The following PIAS3 variants were observed in gnomAD, a reference collection of about 807,000 sequenced individuals.
PIAS3 encodes the protein protein inhibitor of activated STAT 3, also known as E3 SUMO-protein ligase PIAS3.
Under a neutral mutation model 67.6 loss-of-function variants are expected in PIAS3, and 34 were observed. That is an observed-to-expected ratio of 0.50 (90% CI 0.38 to 0.67). The LOEUF is 0.67. Ranked by LOEUF, PIAS3 falls within the 30% of genes least tolerant of loss-of-function variation. The probability of loss-of-function intolerance (pLI) is 0.00; values close to 1 mark genes in which losing one functional copy is unlikely to be tolerated. For synonymous variants in PIAS3, 341 were observed against 313.8 expected (o/e 1.09, Z -0.92); for missense variants, 693 against 791.6 (o/e 0.88, Z 1.49).
At chr1:145,855,596 A>G (rs782285061) in intron 5 of PIAS3, 140 bp downstream of exon 5, 6 of 651,038 alleles carry the variant, frequency 9.2e-6, no homozygotes, top group South Asian at 1.9e-5. Context: ...TCGAGATTCT[A>G]TTGATTCAGT....
Position 145,853,578 on chromosome 1 carries a change from C to G in PIAS3, c.1071G>C (p.Met357Ile). Residue 357 changes from methionine (M) to isoleucine (I), a missense_variant, in exon 9 of 14, where the codon ATG (methionine) becomes ATC (isoleucine). Transcript: ENST00000393045. ...QSFDAALYLQ[M>I]NEKKPTWTCP... is the part of the protein sequence containing the mutation. ...ATGTCCATGTAGGCTTCTTCTCATT[C>G]ATCTGTAGATAAAGGGCAGCATCGA... The G allele has an allele frequency of 6.2e-7, 1 of 1,614,116 alleles. No individual in the cohort carries two copies. The highest frequency in any genetic ancestry group is 8.5e-7 in the Non-Finnish European group (1 of 1,179,994).
intron 2 of PIAS3, 29 bp from the exon 3 acceptor site, chr1:145,856,460 A>C: frequency 1.2e-6 from 2 of 1,609,146 alleles, no homozygotes; most frequent in Non-Finnish European, 1.7e-6. Context: ...AGTTATTCCA[A>C]GCCCATGCAC....
intron 2 of PIAS3, 56 bp downstream of exon 2, chr1:145,856,533 A>G: frequency 6.3e-7 from 1 of 1,595,194 alleles, no homozygotes. Flanking sequence ...AGCCTAAGAA[A>G]TGTTTGGGGA....
At chr1:145,849,919 A>G in intron 13 of PIAS3, 1 of 1,432,312 alleles carries the variant, frequency 7.0e-7, no homozygotes. Context: ...CCAACTTGTT[A>G]GGTTCTTGGC....
At position 145,856,099 on chromosome 1, in the gene PIAS3, T is replaced by G. The variant is rs1553735534; in HGVS notation, c.547A>C (p.Lys183Gln). 2 of 1,613,972 alleles carry G rather than the reference T, an allele frequency of 1.2e-6. No homozygotes were observed. The highest frequency in any genetic ancestry group is 1.7e-6 in the Non-Finnish European group (2 of 1,179,870). The change falls in exon 4 of 14, where the codon AAA (lysine) becomes CAA (glutamine). Residue 183 changes from lysine (K) to glutamine (Q), a missense_variant. Transcript: ENST00000393045. ...TGCACCTGTATGGTATAATCACATT[T>G]GGCTCCTGGCAGAACCTCTCTGTAA... The part of the protein sequence containing the change: ...LTSREVLPGA[K>Q]CDYTIQVQLR...
chr1:145,849,727 G>A lies in PIAS3; in HGVS notation c.1621-15C>T. 1 of 1,563,392 alleles carries A rather than the reference G, an allele frequency of 6.4e-7. No individual in the cohort carries two copies. The highest frequency in any genetic ancestry group is 8.7e-7 in the Non-Finnish European group (1 of 1,154,748). On this transcript the variant is annotated splice_polypyrimidine_tract_variant and intron_variant, in intron 13 of 13. Transcript: ENST00000393045. ...GGGCCATAGTGCTAGGAAGAATCAA[G>A]GGCATAGTTTAAGATCTCAATCCCG...
rs782370387 is a variant in PIAS3, at chr1:145,849,507, C to T, written c.1826G>A (p.Gly609Glu). Residue 609 changes from glycine to glutamate, a missense_variant, in exon 14 of 14, where the codon GGA becomes GAA. By Grantham distance (98) the Gly-to-Glu change is moderately conservative. This residue lies in a region of PIAS3 where 270 missense variants were observed against 261.0 expected (regional missense o/e 1.03). Coordinates refer to ENST00000393045, the MANE Select transcript of PIAS3 (RefSeq NM_006099.3). ...CAAAGAGGGACCTGAGGGCAGGGGTCCTCCATGCCCCTCCCTCAAGGCCCC... is the reference window on the plus strand; with the variant it reads ...CAAAGAGGGACCTGAGGGCAGGGGTTCTCCATGCCCCTCCCTCAAGGCCCC... ...PGGALREGHGGPLPSGPSLTG... is the reference protein window; with the variant it reads ...PGGALREGHGEPLPSGPSLTG... 7.7e-6 allele frequency: 12 copies of T among 1,551,096 alleles called. No homozygotes were observed. Among genetic ancestry groups the T allele is most frequent in the Middle Eastern group, 3.5e-4 (2 of 5,774 alleles).
chr1:145,849,168 T>C lies in PIAS3; in HGVS notation c.*278A>G. 1 of 291,036 alleles carries C rather than the reference T, an allele frequency of 3.4e-6. No homozygotes were observed. The highest frequency in any genetic ancestry group is 6.3e-6 in the Non-Finnish European group (1 of 158,178). 18.0% of individuals were successfully genotyped at this position (291,036 alleles called of 1,614,324 possible). A position where few individuals can be genotyped will look rare whatever the true frequency, so the allele number is the denominator to read the frequency against. On this transcript the variant is annotated 3_prime_UTR_variant, in exon 14 of 14. Coordinates refer to ENST00000393045, the MANE Select transcript of PIAS3 (RefSeq NM_006099.3). ...TTCTCCTAGCTCACATACCATCCCA[T>C]TTGCCTCCCACTGCCTAGGTTAACA...
intron 3 of PIAS3, 31 bp downstream of exon 3, chr1:145,856,316 G>A (rs1553735595): frequency 6.4e-7 from 1 of 1,563,552 alleles, no homozygotes; most frequent in South Asian, 1.1e-5. Flanking sequence ...CAGAGACCAG[G>A]GATGAGGCAG....
intron 6 of PIAS3, 62 bp downstream of exon 6, chr1:145,854,684 A>G (rs782550403): frequency 6.2e-7 from 1 of 1,611,268 alleles, no homozygotes; most frequent in Non-Finnish European, 8.5e-7. Context: ...AACCCAGGAC[A>G]CTGGATGGTT....
rs1553735739 is a variant in PIAS3, at chr1:145,856,796, A to C, written c.235T>G (p.Ser79Ala). 1.2e-6 allele frequency: 2 copies of C among 1,614,116 alleles called. No individual in the cohort carries two copies. The highest frequency in any genetic ancestry group is 3.3e-5 in the Admixed American group (2 of 60,030). ...ACAGGAGAGGTGCCAGGGGGCAAAG[A>C]GAGAAGGGAGAGATCAGAGGGCCCC... ...TLGPSDLSLL[S>A]LPPGTSPVGS... is the part of the protein sequence containing the mutation. Residue 79 changes from serine to alanine, a missense_variant, in exon 2 of 14, where the codon TCT becomes GCT. Physicochemically the swap from Ser to Ala is moderately conservative, Grantham distance 99. Transcript: ENST00000393045.
rs781891870 is a variant in PIAS3 at position 145,849,453 on chromosome 1, A to G, written c.1880T>C (p.Leu627Pro). ...LTGCRSDIIS[L>P]D ...TTCCATAATCCAGGGAACTCAGTCC[A>G]GGGAAATGATGTCTGACCGACAGCC... The change falls in exon 14 of 14, where the codon CTG (leucine) becomes CCG (proline). Residue 627 changes from leucine (L) to proline (P), a missense_variant. Coordinates refer to ENST00000393045, the MANE Select transcript of PIAS3 (RefSeq NM_006099.3). 1 of 1,499,838 alleles carries G rather than the reference A, an allele frequency of 6.7e-7. No homozygotes were observed. The highest frequency in any genetic ancestry group is 2.4e-5 in the Admixed American group (1 of 42,286). 92.9% of individuals were successfully genotyped at this position (1,499,838 alleles called of 1,614,324 possible). A position where few individuals can be genotyped will look rare whatever the true frequency, so the allele number is the denominator to read the frequency against.
intron 1 of PIAS3, 23 bp downstream of exon 1, chr1:145,858,944 G>T (rs1212738338): frequency 2.6e-6 from 4 of 1,518,536 alleles, no homozygotes; most frequent in Non-Finnish European, 3.5e-6. Context: ...GTCCAGATGG[G>T]GATGGGGGGA....
chr1:145,850,639 A>C, intron 11 of PIAS3, 53 bp from the exon 12 acceptor site: 1 of 1,604,304 alleles, frequency 6.2e-7, no homozygotes, highest in Non-Finnish European at 8.5e-7. Context: ...GCCCTCACCC[A>C]GCTCAGGTCC....
rs1652860749 is a variant in PIAS3 at position 145,849,398 on chromosome 1, T to A, written c.*48A>T. 6.9e-7 allele frequency: 1 copy of A among 1,451,870 alleles called. No individual in the cohort carries two copies. The highest frequency in any genetic ancestry group is 1.5e-5 in the South Asian group (1 of 66,318). The allele number at this position is 1,451,870 out of a possible 1,614,324, so 89.9% of individuals were successfully genotyped here. On this transcript the variant is annotated 3_prime_UTR_variant, in exon 14 of 14. Coordinates refer to ENST00000393045, the MANE Select transcript of PIAS3 (RefSeq NM_006099.3). ...TAGCTGGGGTTGGGACTCCACAGCATACTTGCTCAGTGTTGGGGGACAGCG... is the reference window on the plus strand; with the variant it reads ...TAGCTGGGGTTGGGACTCCACAGCAAACTTGCTCAGTGTTGGGGGACAGCG...
intron 1 of PIAS3, 96 bp downstream of exon 1, chr1:145,858,871 G>A (rs1553736105): frequency 2.0e-5 from 23 of 1,159,148 alleles, no homozygotes; most frequent in Non-Finnish European, 2.6e-5. Context: ...CGTCGTCGGC[G>A]CCCACCCGAG....
At chr1:145,855,930 C>T in intron 4 of PIAS3, 104 bp from the exon 5 acceptor site, 1 of 1,028,034 alleles carries the variant, frequency 9.7e-7, no homozygotes, top group Non-Finnish European at 1.6e-6. Context: ...ATGCCTGAAG[C>T]CCTCAGCATC....
chr1:145,856,278 C>G (rs182758821), intron 3 of PIAS3, 69 bp downstream of exon 3: 359 of 1,367,052 alleles, frequency 2.6e-4, no homozygotes, highest in Non-Finnish European at 3.5e-4. Flanking sequence ...GGGAAGAGCA[C>G]AGGGCAGAAG....
rs1553735198 is a variant in PIAS3 at position 145,854,838 on chromosome 1, G to A, written c.712C>T (p.Pro238Ser). ...GGTGTGATGTTGATGGGGCGGCTGGGCCTCTTGGGCTCGGCCCCATTCTTG... is the reference window on the plus strand; with the variant it reads ...GGTGTGATGTTGATGGGGCGGCTGGACCTCTTGGGCTCGGCCCCATTCTTG... ...PTKNGAEPKR[P>S]SRPINITPLA... Residue 238 changes from proline to serine, a missense_variant, in exon 6 of 14, where the codon CCC (proline) becomes TCC (serine). Around this residue, in one of 3 missense-constraint regions of PIAS3, gnomAD observed 308 missense variants for 348.8 expected, o/e 0.88. Coordinates refer to ENST00000393045, the MANE Select transcript of PIAS3 (RefSeq NM_006099.3). 1 of 1,614,110 alleles carries A rather than the reference G, an allele frequency of 6.2e-7. No individual in the cohort carries two copies. The highest frequency in any genetic ancestry group is 2.2e-5 in the East Asian group (1 of 44,900).
Sources: allele counts gnomAD v4.1 joint callset, GRCh38; gene constraint gnomAD v4.1.1; regional missense constraint gnomAD v4.1.1; transcripts MANE v1.5; gene names NCBI Gene and HGNC (gene_info 2026-07-23, HGNC 2026-07-21).